The following MYH9 variants were observed in gnomAD, a reference collection of about 807,000 sequenced individuals.
MYH9 encodes myosin heavy chain 9.
In MYH9, 29 loss-of-function variants were observed where a neutral mutation model predicts 241.9. The observed-to-expected ratio is 0.12, with a 90% confidence interval of 0.09 to 0.16. MYH9 has a LOEUF of 0.16. Ranked by LOEUF, MYH9 falls within the 10% of genes least tolerant of loss-of-function variation. The pLI, the probability that MYH9 is intolerant of heterozygous loss-of-function variation, is 1.00. For synonymous variants in MYH9, 1,047 were observed against 1,062.6 expected (o/e 0.99, Z 0.29); for missense variants, 1,803 against 2,595.5 (o/e 0.69, Z 6.63).
rs768628153 is a variant in MYH9 at position 36,282,712 on chromosome 22, C to T, written c.5839G>A (p.Val1947Ile). ...KGAGDGSDEEVDGKADGAEAK... is the reference protein window; with the variant it reads ...KGAGDGSDEEIDGKADGAEAK... ...TCAGCCCCATCCGCTTTGCCATCTA[C>T]CTCTTCGTCGGAGCCATCCCCGGCG... The change falls in exon 41 of 41, where the codon GTA becomes ATA. Residue 1947 changes from valine to isoleucine, a missense_variant. Coordinates refer to ENST00000216181, the MANE Select transcript of MYH9 (RefSeq NM_002473.6). 2 of 1,614,040 alleles carry T rather than the reference C, an allele frequency of 1.2e-6. No homozygotes were observed. Among genetic ancestry groups the T allele is most frequent in the Non-Finnish European group, 8.5e-7 (1 of 1,180,046 alleles).
chr22:36,304,082 A>T lies in MYH9; in HGVS notation c.2303T>A (p.Leu768Gln). The change falls in exon 19 of 41, where the codon CTG (leucine) becomes CAG (glutamine). Residue 768 changes from leucine (L) to glutamine (Q), a missense_variant. This residue lies in a region of MYH9 where 72 missense variants were observed against 83.3 expected (regional missense o/e 0.86). Transcript: ENST00000216181. Reference sequence around the variant, plus strand: ...GTCTCGCTCCTCCTCCAGGTGGGCCAGCACACCGGCACGGAAGAAGACTTT... The same window carrying T: ...GTCTCGCTCCTCCTCCAGGTGGGCCTGCACACCGGCACGGAAGAAGACTTT... The part of the protein sequence containing the change: ...QSKVFFRAGV[L>Q]AHLEEERDLK... 1.2e-6 allele frequency: 2 copies of T among 1,613,914 alleles called. No individual in the cohort carries two copies. Among genetic ancestry groups the T allele is most frequent in the Non-Finnish European group, 1.7e-6 (2 of 1,180,034 alleles).
intron 1 of MYH9, among the ~76,000 whole-genome samples, chr22:36,386,470 G>T (rs753415596): frequency 6.6e-6 from 1 of 152,232 alleles, no homozygotes; most frequent in South Asian, 2.1e-4. Flanking sequence ...CCCAGACAGT[G>T]TAGTTAGAAT....
At chr22:36,386,816 G>GC (rs979374926) in intron 1 of MYH9, among the ~76,000 whole-genome samples, 2 of 152,274 alleles carry the variant, frequency 1.3e-5, no homozygotes, top group Admixed American at 6.5e-5. Flanking sequence ...TGTCTCCTGT[G>GC]CGTGGCCCCA....
chr22:36,305,886 G>C lies in MYH9; in HGVS notation c.2159+44C>G. ...AGCCCACCTCTGGGACTCACTGCAC[G>C]CACAGCAGGGCCCAGGAGAAGCGGG... On this transcript the variant is annotated intron_variant, in intron 17 of 40. Coordinates refer to ENST00000216181, the MANE Select transcript of MYH9 (RefSeq NM_002473.6). The surrounding 1 kb of genome is among the most constrained non-coding windows in gnomAD (Gnocchi z 4.7). 1 of 1,611,048 alleles carries C rather than the reference G, an allele frequency of 6.2e-7. No homozygotes were observed. The highest frequency in any genetic ancestry group is 1.7e-5 in the Admixed American group (1 of 59,962).
chr22:36,364,822 TA>T (rs1002532786), intron 1 of MYH9: 2 of 151,976 alleles, frequency 1.3e-5, no homozygotes, highest in African/African-American at 2.4e-5. Context: ...AGCCAGGAGG[TA>T]GACAGGCTGC....
rs566030795 is a variant in MYH9 at position 36,372,706 on chromosome 22, C to A, written c.-20+15101G>T. Among the ~76,000 whole-genome samples, 7 of 152,180 alleles carry A rather than the reference C, an allele frequency of 4.6e-5. No homozygotes were observed. In the South Asian group the frequency reaches 1.5e-3, roughly 32 times the overall value. ...CGCAAGGAGCTCGGCAAATCTGCAACACACAAGGGCAGCGGTGGCCACTGT... is the reference window on the plus strand; with the variant it reads ...CGCAAGGAGCTCGGCAAATCTGCAAAACACAAGGGCAGCGGTGGCCACTGT... On this transcript the variant is annotated intron_variant, in intron 1 of 40. Transcript: ENST00000216181.
At chr22:36,374,605 C>T (rs535620518) in intron 1 of MYH9, among the ~76,000 whole-genome samples, 2 of 152,330 alleles carry the variant, frequency 1.3e-5, no homozygotes, top group South Asian at 4.1e-4. Context: ...CATCCCAAGT[C>T]CTTTGGCTAG....
At chr22:36,347,648 T>C (rs2017697554) in intron 2 of MYH9, among the ~76,000 whole-genome samples, 1 of 151,594 alleles carries the variant, frequency 6.6e-6, no homozygotes, top group South Asian at 2.1e-4. Context: ...GGTGGGAGGA[T>C]CGCTTGAGCC....
intron 1 of MYH9, among the ~76,000 whole-genome samples, chr22:36,383,509 A>G (rs564565913): frequency 2.8e-4 from 42 of 152,204 alleles, no homozygotes; most frequent in Non-Finnish European, 5.4e-4. Flanking sequence ...CCACAACCAC[A>G]GTCCACAACC....
At chr22:36,322,612 T>C in intron 5 of MYH9, 91 bp from the exon 6 acceptor site, 4 of 1,256,438 alleles carry the variant, frequency 3.2e-6, no homozygotes, top group African/African-American at 1.5e-5. Context: ...GGCAGAGCCG[T>C]GTCAGCATGT....
rs2016746408 is a variant in MYH9, at chr22:36,293,876, G to A, written c.3838-13C>T. 1 of 1,609,814 alleles carries A rather than the reference G, an allele frequency of 6.2e-7. No homozygotes were observed. The highest frequency in any genetic ancestry group is 8.5e-7 in the Non-Finnish European group (1 of 1,178,148). On this transcript the variant is annotated splice_polypyrimidine_tract_variant and intron_variant, in intron 28 of 40. Transcript: ENST00000216181. This position sits in a 1 kb window ranked among gnomAD's most constrained non-coding sequence, Gnocchi z 5.1. ...TGTCCAGCTCCACCTGCACCGGGCG[G>A]GGAGACACAAAGGACCATGGACCCA... is the stretch of plus-strand genomic sequence containing the variant.
intron 3 of MYH9, among the ~76,000 whole-genome samples, chr22:36,334,983 T>A (rs1173129250): frequency 6.6e-6 from 1 of 152,154 alleles, no homozygotes; most frequent in Admixed American, 6.5e-5. Flanking sequence ...TCAAAGGCAA[T>A]ACGTGGCACT....
At chr22:36,350,913 G>GT (rs1394858582) in intron 1 of MYH9, among the ~76,000 whole-genome samples, 1 of 152,052 alleles carries the variant, frequency 6.6e-6, no homozygotes, top group East Asian at 1.9e-4. Flanking sequence ...GATCAGGAAG[G>GT]TTTTTTTTCC....
Position 36,293,681 on chromosome 22 carries a change from G to A in MYH9, c.3942+78C>T. 1 of 1,397,572 alleles carries A rather than the reference G, an allele frequency of 7.2e-7. No individual in the cohort carries two copies. Among genetic ancestry groups the A allele is most frequent in the Non-Finnish European group, 1.0e-6 (1 of 996,566 alleles). 86.6% of individuals were successfully genotyped at this position (1,397,572 alleles called of 1,614,324 possible). On this transcript the variant is annotated intron_variant, in intron 29 of 40. Transcript: ENST00000216181. This position sits in a 1 kb window ranked among gnomAD's most constrained non-coding sequence, Gnocchi z 5.1. ...AAGGAGAGGATGGGCAATCCGATGG[G>A]CTCTGAAGCTAATGTTGCGTGGACA...
intron 3 of MYH9, 92 bp downstream of exon 3, chr22:36,341,278 G>GT: frequency 6.6e-7 from 1 of 1,520,510 alleles, no homozygotes; most frequent in Non-Finnish European, 9.1e-7. Context: ...CTAGATCAAT[G>GT]TGGCACCAAA....
At position 36,285,257 on chromosome 22, in the gene MYH9, G is replaced by A. The variant is rs750104724; in HGVS notation, c.5347C>T (p.Leu1783=). Residue 1783 remains leucine, a synonymous_variant, in exon 38 of 41, where the codon CTG becomes TTG. Coordinates refer to ENST00000216181, the MANE Select transcript of MYH9 (RefSeq NM_002473.6). The surrounding 1 kb of genome is among the most constrained non-coding windows in gnomAD (Gnocchi z 7.0). ...AQKNENARQQ[L]ERQNKELKVK... is the part of the protein sequence containing the mutation. The stretch of plus-strand genomic sequence containing the variant: ...TTAAGCTCCTTGTTCTGGCGTTCCA[G>A]CTGCTGCCGAGCATTCTCGTTCTTC... The A allele has an allele frequency of 6.2e-7, 1 of 1,614,120 alleles. No homozygotes were observed. Among genetic ancestry groups the A allele is most frequent in the South Asian group, 1.1e-5 (1 of 91,086 alleles).
Position 36,288,757 on chromosome 22 carries a change from G to C in MYH9, c.4740C>G (p.Ser1580Arg). The part of the protein sequence containing the change: ...ERDLQGRDEQ[S>R]EEKKKQLVRQ... The stretch of plus-strand genomic sequence containing the variant: ...TGACCAGCTGCTTCTTCTTCTCCTC[G>C]CTCTGCTCGTCCCGGCCCTGCAGGT... The change falls in exon 33 of 41, where the codon AGC becomes AGG. Residue 1580 changes from serine to arginine, a missense_variant. By Grantham distance (110) the Ser-to-Arg change is moderately radical. This residue lies in a region of MYH9 where 876 missense variants were observed against 1,077.8 expected (regional missense o/e 0.81). Transcript: ENST00000216181. The surrounding 1 kb of genome is among the most constrained non-coding windows in gnomAD (Gnocchi z 4.8). 6.2e-7 allele frequency: 1 copy of C among 1,607,414 alleles called. No individual in the cohort carries two copies. Among genetic ancestry groups the C allele is most frequent in the South Asian group, 1.1e-5 (1 of 91,082 alleles).
intron 31 of MYH9, among the ~76,000 whole-genome samples, chr22:36,291,683 TAAAAAAA>T (rs66686435): frequency 1.2e-4 from 10 of 86,938 alleles, no homozygotes; most frequent in African/African-American, 4.1e-4. Context: ...ATAAAAAAAT[TAAAAAAA>T]AAAAAAAAAA....
intron 1 of MYH9, among the ~76,000 whole-genome samples, chr22:36,350,837 G>A (rs1288108120): frequency 6.6e-6 from 1 of 152,198 alleles, no homozygotes; most frequent in Admixed American, 6.5e-5. Flanking sequence ...AACTGACTCA[G>A]CTTGTGGCCA....
Sources: gnomAD v4.1 joint callset for allele counts (sites outside exome capture counted in the v4.1 genomes callset) on GRCh38, gnomAD v4.1.1 for gene constraint, gnomAD v4.1.1 regional missense constraint, Gnocchi (gnomAD v3.1) non-coding constraint, MANE v1.5 for transcripts, NCBI Gene and HGNC (gene_info 2026-07-23, HGNC 2026-07-21) for gene names.